Variants in SLC20A1 observed in about 807,000 individuals in gnomAD.
The protein encoded by SLC20A1 is sodium-dependent phosphate transporter 1.
A neutral mutation model predicts 62.7 loss-of-function variants in SLC20A1; 28 were observed. The ratio of observed to expected loss-of-function variants is 0.45; its 90% confidence interval spans 0.33 to 0.61. The LOEUF (loss-of-function observed/expected upper bound fraction) is 0.61, where lower values mean the gene tolerates loss of function less well. Among genes scored for constraint, SLC20A1 ranks in the 20% least tolerant of loss-of-function variants. The probability of loss-of-function intolerance (pLI) is 0.02; values close to 1 mark genes in which losing one functional copy is unlikely to be tolerated. For synonymous variants in SLC20A1, 305 were observed against 302.9 expected (o/e 1.01, Z -0.07); for missense variants, 673 against 838.6 (o/e 0.80, Z 2.44).
rs759441522 is a variant in SLC20A1 at position 112,652,768 on chromosome 2, C to G, written c.628C>G (p.Leu210Val). The change falls in exon 5 of 11, where the codon CTC becomes GTC. Residue 210 changes from leucine (L) to valine (V), a missense_variant. Leu to Val is a conservative substitution (Grantham distance 32). Coordinates refer to ENST00000272542, the MANE Select transcript of SLC20A1 (RefSeq NM_005415.5). ...CTATGCCTGCACAGTTGGAATAAAC[C>G]TCTTTTCCATCATGTATACTGGAGC... is the stretch of plus-strand genomic sequence containing the variant. Reference protein sequence around the residue: ...VFYACTVGINLFSIMYTGAPL... With the variant: ...VFYACTVGINVFSIMYTGAPL... 1.1e-5 allele frequency: 17 copies of G among 1,613,894 alleles called. No individual in the cohort carries two copies. In the Admixed American group the frequency reaches 2.0e-4, roughly 19 times the overall value.
chr2:112,649,140 A>C (rs1558690308), intron 4 of SLC20A1, among the ~76,000 whole-genome samples: 1 of 152,220 alleles, frequency 6.6e-6, no homozygotes, highest in Admixed American at 6.5e-5. Flanking sequence ...TCTGAGGTGC[A>C]AAGAGGGATT....
At chr2:112,657,926 A>G (rs761588044) in intron 6 of SLC20A1, among the ~76,000 whole-genome samples, 34 of 152,226 alleles carry the variant, frequency 2.2e-4, no homozygotes, top group African/African-American at 7.7e-4. Flanking sequence ...TTTCCTTAAA[A>G]TAATCATTTT....
intron 8 of SLC20A1, 33 bp from the exon 9 acceptor site, chr2:112,660,354 A>G (rs1210885601): frequency 6.2e-7 from 1 of 1,600,476 alleles, no homozygotes; most frequent in Non-Finnish European, 8.5e-7. Context: ...GTTCTGCCTG[A>G]AAAGTCACTT....
At position 112,663,263 on chromosome 2, in the gene SLC20A1, TG is replaced by T; in HGVS notation, c.*241del. The T allele has an allele frequency of 1.7e-6, 1 of 582,352 alleles. No homozygotes were observed. The highest frequency in any genetic ancestry group is 3.3e-6 in the Non-Finnish European group (1 of 303,076). 36.1% of individuals were successfully genotyped at this position (582,352 alleles called of 1,614,324 possible). On this transcript the variant is annotated 3_prime_UTR_variant, in exon 11 of 11. Transcript: ENST00000272542. ...CTCCTGCTGAGGTCCCCTTTCCTTCTGGGCTGTGAATTCCTGTACATATTTC... is the reference window on the plus strand; with the variant it reads ...CTCCTGCTGAGGTCCCCTTTCCTTCTGGCTGTGAATTCCTGTACATATTTC...
At position 112,660,054 on chromosome 2, in the gene SLC20A1, G is replaced by A. The variant is rs112506302; in HGVS notation, c.1607+292G>A. On this transcript the variant is annotated intron_variant, in intron 8 of 10. Transcript: ENST00000272542. ...GTTCTTTGGTAGTGAATTGTGGGAT[G>A]TAAGATGTAAGATGAAAAACTTAAA... 5.6e-3 allele frequency among the ~76,000 whole-genome samples: 846 copies of A among 152,336 alleles called. 11 individuals carry two copies. The highest frequency in any genetic ancestry group is 0.019 in the African/African-American group (803 of 41,562).
Position 112,646,726 on chromosome 2 carries a change from A to T in SLC20A1, c.-103A>T, listed in dbSNP as rs567477127. 3 of 471,158 alleles carry T rather than the reference A, an allele frequency of 6.4e-6. No homozygotes were observed. The highest frequency in any genetic ancestry group is 4.2e-5 in the Admixed American group (1 of 23,972). 29.2% of individuals were successfully genotyped at this position (471,158 alleles called of 1,614,324 possible). ...TAGTTTACAGTATTTAATTTTATAT[A>T]ATATATATTATTTATTATAGCATTT... is the stretch of plus-strand genomic sequence containing the variant. On this transcript the variant is annotated 5_prime_UTR_variant, in exon 2 of 11. Transcript: ENST00000272542.
chr2:112,653,025 T>G, intron 5 of SLC20A1: 1 of 1,059,434 alleles, frequency 9.4e-7, no homozygotes, highest in Non-Finnish European at 1.4e-6. Context: ...CCTTTCCTCT[T>G]TAGTCTTCAC....
intron 10 of SLC20A1, 101 bp from the exon 11 acceptor site, chr2:112,662,763 C>T: frequency 5.8e-6 from 7 of 1,202,782 alleles, no homozygotes; most frequent in Non-Finnish European, 8.2e-6. Context: ...TTGTCTTGTC[C>T]AGGGGTCTGG....
rs774108947 is a variant in SLC20A1 at position 112,652,752 on chromosome 2, C to G, written c.612C>G (p.Cys204Trp). Reference protein sequence around the residue: ...GLRALPVFYACTVGINLFSIM... With the variant: ...GLRALPVFYAWTVGINLFSIM... Reference sequence around the variant, plus strand: ...GAGCTTTGCCAGTTTTCTATGCCTGCACAGTTGGAATAAACCTCTTTTCCA... The same window carrying G: ...GAGCTTTGCCAGTTTTCTATGCCTGGACAGTTGGAATAAACCTCTTTTCCA... Residue 204 changes from cysteine to tryptophan, a missense_variant, in exon 5 of 11, where the codon TGC becomes TGG. Transcript: ENST00000272542. 2 of 1,614,168 alleles carry G rather than the reference C, an allele frequency of 1.2e-6. No homozygotes were observed. Among genetic ancestry groups the G allele is most frequent in the Non-Finnish European group, 1.7e-6 (2 of 1,179,992 alleles).
rs1394235629 is a variant in SLC20A1, at chr2:112,663,102, G to A, written c.*77G>A. 1 of 1,508,134 alleles carries A rather than the reference G, an allele frequency of 6.6e-7. No homozygotes were observed. Among genetic ancestry groups the A allele is most frequent in the Non-Finnish European group, 9.2e-7 (1 of 1,084,562 alleles). The allele number at this position is 1,508,134 out of a possible 1,614,324, so 93.4% of individuals were successfully genotyped here. On this transcript the variant is annotated 3_prime_UTR_variant, in exon 11 of 11. Coordinates refer to ENST00000272542, the MANE Select transcript of SLC20A1 (RefSeq NM_005415.5). ...CCTGCTCCCCTGAAGAATGATTACA[G>A]TGTTAACAGAAGACTGACAAGAGTC...
At chr2:112,652,667 C>G in intron 4 of SLC20A1, 35 bp from the exon 5 acceptor site, 1 of 1,525,566 alleles carries the variant, frequency 6.6e-7, no homozygotes, top group Non-Finnish European at 9.1e-7. Context: ...AACCTTTATA[C>G]CTTTTAAGAT....
intron 5 of SLC20A1, among the ~76,000 whole-genome samples, chr2:112,655,818 G>C (rs1558692920): frequency 6.6e-6 from 1 of 152,100 alleles, no homozygotes; most frequent in Non-Finnish European, 1.5e-5. Flanking sequence ...TCCTGCCTCA[G>C]CCTCCCAAGT....
intron 5 of SLC20A1, 41 bp downstream of exon 5, chr2:112,652,839 G>C (rs1264045856): frequency 6.2e-7 from 1 of 1,610,786 alleles, no homozygotes; most frequent in Admixed American, 1.7e-5. Context: ...ATTTAAAGTT[G>C]TTTACAAAAC....
chr2:112,657,038 C>T (rs774955240), intron 5 of SLC20A1, 84 bp from the exon 6 acceptor site: 2 of 1,533,846 alleles, frequency 1.3e-6, no homozygotes, highest in East Asian at 2.3e-5. Context: ...ATGGGGAACC[C>T]CTCAGTCCCC....
chr2:112,652,270 A>G, intron 4 of SLC20A1: 1 of 167,710 alleles, frequency 6.0e-6, no homozygotes, highest in Non-Finnish European at 1.3e-5. Flanking sequence ...GCGTACGCAT[A>G]GTCTGCATGT....
At chr2:112,647,285 A>G (rs765641707) in intron 2 of SLC20A1, 39 bp from the exon 3 acceptor site, 1 of 1,603,262 alleles carries the variant, frequency 6.2e-7, no homozygotes, top group South Asian at 1.1e-5. Flanking sequence ...ACATAATGGA[A>G]TTTTGATATT....
In SLC20A1 at chr2:112,660,381, T is replaced by C; in HGVS notation, c.1608-6T>C. On this transcript the variant is annotated splice_polypyrimidine_tract_variant and splice_region_variant and intron_variant, in intron 8 of 10. Coordinates refer to ENST00000272542, the MANE Select transcript of SLC20A1 (RefSeq NM_005415.5). ...AAGTCACTTCTGCCCTCTTTGTTTC[T>C]TCCAGCAATGCCATTGGGCCTCTGG... 1.2e-6 allele frequency: 2 copies of C among 1,613,152 alleles called. No homozygotes were observed. The highest frequency in any genetic ancestry group is 2.7e-5 in the African/African-American group (2 of 74,952).
At chr2:112,658,524 C>T (rs1371114228) in intron 6 of SLC20A1, 3 of 266,984 alleles carry the variant, frequency 1.1e-5, no homozygotes, top group East Asian at 1.6e-4. Context: ...GTTCTTATAT[C>T]TGTAAAGGGT....
intron 4 of SLC20A1, among the ~76,000 whole-genome samples, chr2:112,651,700 C>T (rs547853715): frequency 6.6e-6 from 1 of 152,302 alleles, no homozygotes; most frequent in African/African-American, 2.4e-5. Flanking sequence ...GCCACCGCGC[C>T]CAGCCTCCTC....
Sources: allele counts gnomAD v4.1 joint callset (sites outside exome capture counted in the v4.1 genomes callset), GRCh38; gene constraint gnomAD v4.1.1; transcripts MANE v1.5; gene names NCBI Gene and HGNC (gene_info 2026-07-23, HGNC 2026-07-21).